AKAP13: variants seen among roughly 807,000 people sequenced by gnomAD.
AKAP13 encodes A-kinase anchoring protein 13.
Under a neutral mutation model 264.5 loss-of-function variants are expected in AKAP13, and 80 were observed. The ratio of observed to expected loss-of-function variants is 0.30; its 90% CI spans 0.25 to 0.36. AKAP13 has a LOEUF of 0.36. AKAP13 is among the 10% of genes least tolerant of loss of function. The pLI, the probability that AKAP13 is intolerant of heterozygous loss-of-function variation, is 1.00. For synonymous variants in AKAP13, 1,380 were observed against 1,250.2 expected, an observed-to-expected ratio of 1.10 and a Z score of -2.19; for missense variants, 3,712 against 3,435.2, an observed-to-expected ratio of 1.08 and a Z score of -2.01.
In AKAP13 at chr15:85,664,770, T is replaced by G. The variant is rs1271823632; in HGVS notation, c.4992+15T>G. 5.0e-6 allele frequency: 8 copies of G among 1,596,800 alleles called. No individual in the cohort carries two copies. Among genetic ancestry groups the G allele is most frequent in the Non-Finnish European group, 6.8e-6 (8 of 1,169,954 alleles). Reference sequence around the variant, plus strand: ...TTGATCAGCAGGTAAGTCTTAAATATGTCTAATTTGGAAAAAATATATTTC... The same window carrying G: ...TTGATCAGCAGGTAAGTCTTAAATAGGTCTAATTTGGAAAAAATATATTTC... On this transcript the variant is annotated intron_variant, in intron 13 of 36. Coordinates refer to ENST00000394518, the MANE Select transcript of AKAP13 (RefSeq NM_007200.5).
chr15:85,544,876 C>T (rs2077685171), intron 5 of AKAP13, among the ~76,000 whole-genome samples: 1 of 152,124 alleles, frequency 6.6e-6, no homozygotes, highest in South Asian at 2.1e-4. Context: ...ATATTTTGCT[C>T]ATGCCAGATT....
intron 8 of AKAP13, among the ~76,000 whole-genome samples, chr15:85,594,895 G>A (rs1039541626): frequency 6.6e-6 from 1 of 152,142 alleles, no homozygotes; most frequent in Non-Finnish European, 1.5e-5. Context: ...TATTTACGGA[G>A]TTGTCCACTA....
At chr15:85,619,273 G>A (rs1378012970) in intron 8 of AKAP13, 6 of 706,268 alleles carry the variant, frequency 8.5e-6, no homozygotes, top group Non-Finnish European at 8.7e-6. Flanking sequence ...CCAAGGCTGC[G>A]GGTGCGGAGC....
chr15:85,383,658 T>G (rs1372898481), intron 1 of AKAP13, among the ~76,000 whole-genome samples: 1 of 152,244 alleles, frequency 6.6e-6, no homozygotes, highest in Non-Finnish European at 1.5e-5. Context: ...GAGTTTATCT[T>G]CTCAGTCACC....
chr15:85,580,615 A>G lies in AKAP13; in HGVS notation c.2547A>G (p.Thr849=), dbSNP rs768268757. 34 of 1,614,066 alleles carry G rather than the reference A, an allele frequency of 2.1e-5. No individual in the cohort carries two copies. The highest frequency in any genetic ancestry group is 2.7e-5 in the African/African-American group (2 of 74,924). Residue 849 remains threonine (T), a synonymous_variant, in exon 7 of 37, where the codon ACA becomes ACG. Coordinates refer to ENST00000394518, the MANE Select transcript of AKAP13 (RefSeq NM_007200.5). ...PLEDRAVGLS[T]SSTAAELQHG... is the part of the protein sequence containing the mutation. Reference sequence around the variant, plus strand: ...AAGACAGGGCAGTAGGCCTGTCCACATCCTCCACTGCTGCAGAGCTTCAGC... The same window carrying G: ...AAGACAGGGCAGTAGGCCTGTCCACGTCCTCCACTGCTGCAGAGCTTCAGC...
chr15:85,561,683 C>T (rs8025492), intron 5 of AKAP13, among the ~76,000 whole-genome samples: 1 of 151,968 alleles, frequency 6.6e-6, no homozygotes, highest in African/African-American at 2.4e-5. Flanking sequence ...GATCTTGAAA[C>T]CAGTACAGTA....
intron 9 of AKAP13, among the ~76,000 whole-genome samples, chr15:85,641,705 C>T (rs1305834962): frequency 6.6e-6 from 1 of 151,718 alleles, no homozygotes; most frequent in African/African-American, 2.4e-5. Flanking sequence ...CCAGGATGGT[C>T]TCAATCTCCT....
chr15:85,637,284 C>T lies in AKAP13; in HGVS notation c.4162-2090C>T, dbSNP rs115212439. 2.9e-3 allele frequency among the ~76,000 whole-genome samples: 435 copies of T among 152,236 alleles called. 3 individuals carry two copies. The highest frequency in any genetic ancestry group is 0.01 in the African/African-American group (427 of 41,526). ...GAAGTCATCTAGGCCTGAAGTTTTC[C>T]TTGTAATAAAGTTTTAAACTATGGA... On this transcript the variant is annotated intron_variant, in intron 8 of 36. Coordinates refer to ENST00000394518, the MANE Select transcript of AKAP13 (RefSeq NM_007200.5).
At chr15:85,497,907 G>A (rs1162093820) in intron 2 of AKAP13, among the ~76,000 whole-genome samples, 1 of 152,138 alleles carries the variant, frequency 6.6e-6, no homozygotes, top group Non-Finnish European at 1.5e-5. Context: ...GGAGAGCAGT[G>A]AGGGGCTGTC....
intron 8 of AKAP13, among the ~76,000 whole-genome samples, chr15:85,595,448 A>C (rs1409174625): frequency 6.6e-6 from 1 of 152,184 alleles, no homozygotes; most frequent in Non-Finnish European, 1.5e-5. Flanking sequence ...CCCTCAGCAT[A>C]CCTAGAATCT....
chr15:85,684,598 C>T (rs758369439), intron 15 of AKAP13, 143 bp from the exon 16 acceptor site: 6 of 837,202 alleles, frequency 7.2e-6, no homozygotes, highest in East Asian at 5.5e-5. Flanking sequence ...GAAACTTAGC[C>T]AAGTTTTGAT....
At chr15:85,463,932 C>G (rs566317031) in intron 1 of AKAP13, among the ~76,000 whole-genome samples, 1 of 152,004 alleles carries the variant, frequency 6.6e-6, no homozygotes, top group Non-Finnish European at 1.5e-5. Context: ...TAACCATAAC[C>G]TTTTTAGAAA....
intron 1 of AKAP13, among the ~76,000 whole-genome samples, chr15:85,428,223 G>C (rs1275028738): frequency 1.3e-5 from 2 of 152,190 alleles, no homozygotes; most frequent in Non-Finnish European, 2.9e-5. Context: ...GATTGAGACA[G>C]AGTTTTGCTC....
chr15:85,684,411 A>G, intron 15 of AKAP13: 1 of 172,446 alleles, frequency 5.8e-6, no homozygotes. Flanking sequence ...AAAAATTTGA[A>G]AAATAGCCAG....
chr15:85,658,590 G>A lies in AKAP13; in HGVS notation c.4799G>A (p.Ser1600Asn). 19 of 1,613,228 alleles carry A rather than the reference G, an allele frequency of 1.2e-5. No individual in the cohort carries two copies. Among genetic ancestry groups the A allele is most frequent in the Non-Finnish European group, 1.5e-5 (18 of 1,179,416 alleles). Residue 1600 changes from serine to asparagine, a missense_variant and splice_region_variant, in exon 12 of 37, where the codon AGT becomes AAT. Ser to Asn is a conservative substitution (Grantham distance 46). Around this residue, in one of 3 missense-constraint regions of AKAP13, gnomAD observed 2,759 missense variants for 2,411.7 expected, o/e 1.14. Transcript: ENST00000394518. ...AGGAGACCTCCCATTCATAGGAGAAGGTACAGAGTTCATTAACTTGATGGA... is the reference window on the plus strand; with the variant it reads ...AGGAGACCTCCCATTCATAGGAGAAAGTACAGAGTTCATTAACTTGATGGA... ...VVRRPPIHRR[S>N]FSLEGLTGGA...
chr15:85,639,259 A>G lies in AKAP13; in HGVS notation c.4162-115A>G, dbSNP rs976353193. 3 of 716,772 alleles carry G rather than the reference A, an allele frequency of 4.2e-6. No homozygotes were observed. In the South Asian group the frequency reaches 5.1e-5, roughly 12 times the overall value. The allele number at this position is 716,772 out of a possible 1,614,324, so 44.4% of individuals were successfully genotyped here. A position where few individuals can be genotyped will look rare whatever the true frequency, so the allele number is the denominator to read the frequency against. On this transcript the variant is annotated intron_variant, in intron 8 of 36. Transcript: ENST00000394518. Reference sequence around the variant, plus strand: ...TTTTTCCCTTGACATAAGTTTGCTCACCCTGTATTAAAGAAAAAGATAGGA... The same window carrying G: ...TTTTTCCCTTGACATAAGTTTGCTCGCCCTGTATTAAAGAAAAAGATAGGA...
intron 8 of AKAP13, among the ~76,000 whole-genome samples, chr15:85,608,618 A>C (rs2080460769): frequency 6.6e-6 from 1 of 152,188 alleles, no homozygotes; most frequent in South Asian, 2.1e-4. Flanking sequence ...GAGAGAGCTG[A>C]ATTGGGAAAG....
Position 85,721,987 on chromosome 15 carries a change from G to A in AKAP13, c.6253-4G>A. The stretch of plus-strand genomic sequence containing the variant: ...GCATAACTTCTGTTCTCTTTTCTCT[G>A]CAGTTTTCAGGTGAGAATGCAGAAC... On this transcript the variant is annotated splice_polypyrimidine_tract_variant and splice_region_variant and intron_variant, in intron 23 of 36. Transcript: ENST00000394518. The A allele has an allele frequency of 6.2e-7, 1 of 1,613,838 alleles. No individual in the cohort carries two copies. The highest frequency in any genetic ancestry group is 1.1e-5 in the South Asian group (1 of 91,054).
intron 12 of AKAP13, among the ~76,000 whole-genome samples, chr15:85,659,394 G>T (rs1199847513): frequency 6.6e-6 from 1 of 152,118 alleles, no homozygotes; most frequent in Non-Finnish European, 1.5e-5. Context: ...CCTGTTTGTT[G>T]GCAAGTGGGC....
Sources: allele counts gnomAD v4.1 joint callset (sites outside exome capture counted in the v4.1 genomes callset), GRCh38; gene constraint gnomAD v4.1.1; regional missense constraint gnomAD v4.1.1; transcripts MANE v1.5; gene names NCBI Gene and HGNC (gene_info 2026-07-23, HGNC 2026-07-21).